Variants in CDCA4 observed in about 807,000 individuals in gnomAD.
The protein encoded by CDCA4 is cell division cycle associated 4, also known as cell division cycle-associated protein 4.
For synonymous variants in CDCA4, 130 were observed against 137.0 expected, an observed-to-expected ratio of 0.95 and a Z score of 0.36; for missense variants, 294 against 322.1, an observed-to-expected ratio of 0.91 and a Z score of 0.67.
At position 105,011,323 on chromosome 14, in the gene CDCA4, T is replaced by G. The variant is rs1900494290; in HGVS notation, c.607A>C (p.Arg203=). The G allele has an allele frequency of 1.2e-6, 2 of 1,614,124 alleles. No homozygotes were observed. Among genetic ancestry groups the G allele is most frequent in the East Asian group, 4.5e-5 (2 of 44,878 alleles). The change falls in exon 2 of 2, where the codon AGG becomes CGG. Residue 203 remains arginine, a synonymous_variant. Coordinates refer to ENST00000336219, the MANE Select transcript of CDCA4 (RefSeq NM_017955.4). The stretch of plus-strand genomic sequence containing the variant: ...TCGAGCCCTTCGCAGGGGCCCGGCC[T>G]GGCACCCCCCATCATGCCTGTCAGT... ...TVLTGMMGGA[R]PGPCEGLEGL...
chr14:105,009,605 T>A lies in CDCA4; in HGVS notation c.*1599A>T, dbSNP rs1490369346. 1.3e-5 allele frequency: 2 copies of A among 152,156 alleles called. No individual in the cohort carries two copies. The highest frequency in any genetic ancestry group is 2.9e-5 in the Non-Finnish European group (2 of 68,020). 9.4% of individuals were successfully genotyped at this position (152,156 alleles called of 1,614,324 possible). A position where few individuals can be genotyped will look rare whatever the true frequency, so the allele number is the denominator to read the frequency against. ...AAATGATGTTTCTAAAAGATAAAAA[T>A]GCTATACAGAAACAAAATAGTGCTT... On this transcript the variant is annotated 3_prime_UTR_variant, in exon 2 of 2. Coordinates refer to ENST00000336219, the MANE Select transcript of CDCA4 (RefSeq NM_017955.4).
At chr14:105,012,788 G>A (rs1184790995) in intron 1 of CDCA4, among the ~76,000 whole-genome samples, 1 of 152,086 alleles carries the variant, frequency 6.6e-6, no homozygotes, top group Non-Finnish European at 1.5e-5. Flanking sequence ...GGCTCTGCCT[G>A]GCTGCTTTCT....
chr14:105,015,751 G>A (rs917121128), intron 1 of CDCA4, among the ~76,000 whole-genome samples: 13 of 151,910 alleles, frequency 8.6e-5, no homozygotes, highest in African/African-American at 3.1e-4. Context: ...CGCAACCTCC[G>A]CCTCCCAGGT....
chr14:105,019,879 A>G (rs1309539091), intron 1 of CDCA4, among the ~76,000 whole-genome samples: 2 of 152,096 alleles, frequency 1.3e-5, no homozygotes, highest in African/African-American at 2.4e-5. Flanking sequence ...ACGCCCAGCT[A>G]ATTTTTGTAT....
intron 1 of CDCA4, among the ~76,000 whole-genome samples, chr14:105,014,940 CCT>C (rs1393145635): frequency 1.3e-5 from 2 of 152,174 alleles, no homozygotes; most frequent in Admixed American, 6.5e-5. Context: ...GGCTGCCTCC[CCT>C]GACTCTGGAA....
chr14:105,012,829 C>G (rs1481852395), intron 1 of CDCA4, among the ~76,000 whole-genome samples: 1 of 152,250 alleles, frequency 6.6e-6, no homozygotes, highest in Non-Finnish European at 1.5e-5. Context: ...ATGCCCTCCA[C>G]TCGAGAGCTC....
In CDCA4 at chr14:105,011,405, G is replaced by T; in HGVS notation, c.525C>A (p.Ser175Arg). The T allele has an allele frequency of 6.2e-7, 1 of 1,614,232 alleles. No individual in the cohort carries two copies. The change falls in exon 2 of 2, where the codon AGC (serine) becomes AGA (arginine). Residue 175 changes from serine to arginine, a missense_variant. Physicochemically the swap from Ser to Arg is moderately radical, Grantham distance 110. Transcript: ENST00000336219. ...CGTCTGAGAACAGCTCTTCCATGCA[G>T]CTGGGGTTTTTAGTCTCCAGCGTTT... is the stretch of plus-strand genomic sequence containing the variant. The part of the protein sequence containing the change: ...IFETLETKNP[S>R]CMEELFSDVD...
rs1420180198 is a variant in CDCA4 at position 105,011,039 on chromosome 14, G to A, written c.*165C>T. The A allele has an allele frequency of 7.4e-6, 6 of 805,756 alleles. No homozygotes were observed. Among genetic ancestry groups the A allele is most frequent in the East Asian group, 2.7e-5 (1 of 36,868 alleles). The allele number at this position is 805,756 out of a possible 1,614,324, so 49.9% of individuals were successfully genotyped here. A position where few individuals can be genotyped will look rare whatever the true frequency, so the allele number is the denominator to read the frequency against. Reference sequence around the variant, plus strand: ...TCCACAGGGGGGAGGTGAGTGGGACGGGCCTAGGGCTGCAGCCCCACTGGT... The same window carrying A: ...TCCACAGGGGGGAGGTGAGTGGGACAGGCCTAGGGCTGCAGCCCCACTGGT... On this transcript the variant is annotated 3_prime_UTR_variant, in exon 2 of 2. Coordinates refer to ENST00000336219, the MANE Select transcript of CDCA4 (RefSeq NM_017955.4).
At chr14:105,019,716 T>TTTG (rs2140912552) in intron 1 of CDCA4, among the ~76,000 whole-genome samples, 1 of 151,976 alleles carries the variant, frequency 6.6e-6, no homozygotes, top group African/African-American at 2.4e-5. Flanking sequence ...GGTATTTGGT[T>TTTG]TTTTTTGTTT....
In CDCA4 at chr14:105,009,850, G is replaced by T. The variant is rs1900450632; in HGVS notation, c.*1354C>A. 1.3e-5 allele frequency: 2 copies of T among 152,148 alleles called. No individual in the cohort carries two copies. The highest frequency in any genetic ancestry group is 4.8e-5 in the African/African-American group (2 of 41,424). The allele number at this position is 152,148 out of a possible 1,614,324, so 9.4% of individuals were successfully genotyped here. On this transcript the variant is annotated 3_prime_UTR_variant, in exon 2 of 2. Coordinates refer to ENST00000336219, the MANE Select transcript of CDCA4 (RefSeq NM_017955.4). ...GCAATTCCTTTCCCCACCTTAGAAAGCACCACCAGATAATACAGCAGAACT... is the reference window on the plus strand; with the variant it reads ...GCAATTCCTTTCCCCACCTTAGAAATCACCACCAGATAATACAGCAGAACT...
At chr14:105,013,318 C>T (rs4075087) in intron 1 of CDCA4, among the ~76,000 whole-genome samples, 83,514 of 151,936 alleles carry the variant, frequency 0.55, 25,506 homozygotes, top group Middle Eastern at 0.73. Context: ...GTGCCGCCTG[C>T]GGGGAGCTGG....
At chr14:105,013,144 T>C (rs775802333) in intron 1 of CDCA4, among the ~76,000 whole-genome samples, 6 of 152,080 alleles carry the variant, frequency 3.9e-5, no homozygotes, top group Admixed American at 1.3e-4. Context: ...ACAGCACAGA[T>C]GCACTAGATG....
intron 1 of CDCA4, among the ~76,000 whole-genome samples, chr14:105,018,693 C>T (rs1886147000): frequency 6.6e-6 from 1 of 152,034 alleles, no homozygotes; most frequent in Admixed American, 6.5e-5. Context: ...GAGAAAGGGC[C>T]CTATACCATA....
intron 1 of CDCA4, among the ~76,000 whole-genome samples, chr14:105,016,382 T>C (rs1214849409): frequency 6.6e-6 from 1 of 152,118 alleles, no homozygotes. Flanking sequence ...TAACTTTAGG[T>C]GTTTTGGTAT....
rs1480369269 is a variant in CDCA4, at chr14:105,010,495, G to A, written c.*709C>T. 2 of 152,228 alleles carry A rather than the reference G, an allele frequency of 1.3e-5. No individual in the cohort carries two copies. Among genetic ancestry groups the A allele is most frequent in the Non-Finnish European group, 1.5e-5 (1 of 68,046 alleles). The allele number at this position is 152,228 out of a possible 1,614,324, so 9.4% of individuals were successfully genotyped here. A position where few individuals can be genotyped will look rare whatever the true frequency, so the allele number is the denominator to read the frequency against. Reference sequence around the variant, plus strand: ...CCTCCATAATTTACTCTTAGGTCTAGGAAGATGTGGCTGTGTGCGGCTCCT... The same window carrying A: ...CCTCCATAATTTACTCTTAGGTCTAAGAAGATGTGGCTGTGTGCGGCTCCT... On this transcript the variant is annotated 3_prime_UTR_variant, in exon 2 of 2. Transcript: ENST00000336219.
intron 1 of CDCA4, among the ~76,000 whole-genome samples, chr14:105,015,185 C>T (rs1376848206): frequency 1.3e-5 from 2 of 152,168 alleles, no homozygotes; most frequent in African/African-American, 2.4e-5. Context: ...CCAAACCCAA[C>T]GACAGACCCT....
intron 1 of CDCA4, among the ~76,000 whole-genome samples, chr14:105,020,518 G>C (rs1291982517): frequency 1.3e-5 from 2 of 152,182 alleles, no homozygotes; most frequent in Non-Finnish European, 2.9e-5. Flanking sequence ...CAGGGAAGAC[G>C]GCGCTGGCCG....
At chr14:105,018,273 A>G (rs1458435949) in intron 1 of CDCA4, among the ~76,000 whole-genome samples, 1 of 151,822 alleles carries the variant, frequency 6.6e-6, no homozygotes, top group Non-Finnish European at 1.5e-5. Context: ...CACAGATCCC[A>G]TTCTGGTACC....
intron 1 of CDCA4, among the ~76,000 whole-genome samples, chr14:105,019,713 G>GT (rs143638553): frequency 6.6e-6 from 1 of 151,566 alleles, no homozygotes; most frequent in African/African-American, 2.4e-5. Flanking sequence ...TCAGGTATTT[G>GT]GTTTTTTTTG....
Sources: allele counts gnomAD v4.1 joint callset (sites outside exome capture counted in the v4.1 genomes callset), GRCh38; gene constraint gnomAD v4.1.1; transcripts MANE v1.5; gene names NCBI Gene and HGNC (gene_info 2026-07-23, HGNC 2026-07-21).